Variants in ADGRB3 observed in about 807,000 individuals in gnomAD.
ADGRB3 encodes brain-specific angiogenesis inhibitor 3.
ADGRB3 carries 37 observed loss-of-function variants against 193.4 expected under a neutral mutation model. The observed-to-expected ratio is 0.19, with a 90% CI of 0.15 to 0.25. ADGRB3 has a LOEUF of 0.25. Ranked by LOEUF, ADGRB3 falls within the 10% of genes least tolerant of loss-of-function variation. The pLI is 1.00. For missense variants in ADGRB3, 1,637 were observed against 1,852.9 expected, an observed-to-expected ratio of 0.88 and a Z score of 2.14; for synonymous variants, 690 against 644.2, an observed-to-expected ratio of 1.07 and a Z score of -1.08.
At chr6:68,821,747 TA>T (rs1438484013) in intron 3 of ADGRB3, among the ~76,000 whole-genome samples, 4 of 151,930 alleles carry the variant, frequency 2.6e-5, no homozygotes, top group Non-Finnish European at 1.5e-5. Context: ...TTGTTCTATT[TA>T]AACTTTTGTG....
intron 3 of ADGRB3, among the ~76,000 whole-genome samples, chr6:68,815,574 C>A (rs1767614758): frequency 6.7e-6 from 1 of 148,888 alleles, no homozygotes; most frequent in East Asian, 2.0e-4. Context: ...TTCAAGATAA[C>A]CAGAGTAATT....
rs554177853 is a variant in ADGRB3 at position 68,895,094 on chromosome 6, G to A, written c.758-35465G>A. Among the ~76,000 whole-genome samples, 13 of 151,954 alleles carry A rather than the reference G, an allele frequency of 8.6e-5. No homozygotes were observed. In the East Asian group the frequency reaches 1.4e-3, roughly 16 times the overall value. ...ACACAATAAATAAAAATTCTAGAACGTATTCTTTTCTGAAGATGATATTCA... is the reference window on the plus strand; with the variant it reads ...ACACAATAAATAAAAATTCTAGAACATATTCTTTTCTGAAGATGATATTCA... On this transcript the variant is annotated intron_variant, in intron 3 of 31. Coordinates refer to ENST00000370598, the MANE Select transcript of ADGRB3 (RefSeq NM_001704.3).
intron 3 of ADGRB3, among the ~76,000 whole-genome samples, chr6:68,905,764 G>T (rs186554988): frequency 6.0e-4 from 92 of 152,224 alleles, no homozygotes; most frequent in African/African-American, 1.4e-3. Flanking sequence ...AGGTTAAAAA[G>T]TTCCCAAATA....
intron 13 of ADGRB3, among the ~76,000 whole-genome samples, chr6:69,026,595 G>A (rs1454959864): frequency 3.9e-5 from 6 of 152,184 alleles, no homozygotes; most frequent in Admixed American, 3.3e-4. Flanking sequence ...ACTTACCTAA[G>A]GGGATACATC....
At chr6:69,090,659 G>A (rs1032276343) in intron 17 of ADGRB3, among the ~76,000 whole-genome samples, 1 of 152,084 alleles carries the variant, frequency 6.6e-6, no homozygotes, top group South Asian at 2.1e-4. Context: ...TTAGATATGC[G>A]GCCACAAAGT....
At chr6:69,117,229 G>A (rs1272866242) in intron 17 of ADGRB3, among the ~76,000 whole-genome samples, 1 of 152,136 alleles carries the variant, frequency 6.6e-6, no homozygotes, top group Non-Finnish European at 1.5e-5. Context: ...AGTGCTTTAT[G>A]CCCTGCTTTT....
intron 3 of ADGRB3, among the ~76,000 whole-genome samples, chr6:68,783,475 A>G (rs1179807570): frequency 1.3e-5 from 2 of 151,688 alleles, no homozygotes; most frequent in Non-Finnish European, 2.9e-5. Flanking sequence ...CCTCAAGTTG[A>G]ACTTGAAATA....
intron 29 of ADGRB3, among the ~76,000 whole-genome samples, chr6:69,366,688 G>A (rs532351377): frequency 1.3e-5 from 2 of 152,066 alleles, no homozygotes; most frequent in African/African-American, 4.8e-5. Flanking sequence ...CAGTTGACCT[G>A]TTCATAATGG....
chr6:69,136,292 C>T (rs573880544), intron 17 of ADGRB3, among the ~76,000 whole-genome samples: 1 of 152,102 alleles, frequency 6.6e-6, no homozygotes, highest in East Asian at 1.9e-4. Flanking sequence ...ATATGTAATG[C>T]TGGCACCAAA....
intron 3 of ADGRB3, among the ~76,000 whole-genome samples, chr6:68,794,119 T>C (rs1767162603): frequency 6.6e-6 from 1 of 152,122 alleles, no homozygotes; most frequent in Admixed American, 6.6e-5. Context: ...TTTCATACTG[T>C]CTATAATATA....
chr6:69,338,061 G>C (rs935550826), intron 24 of ADGRB3, among the ~76,000 whole-genome samples: 1 of 151,936 alleles, frequency 6.6e-6, no homozygotes, highest in Non-Finnish European at 1.5e-5. Flanking sequence ...AATTTTCAAG[G>C]TACAGTTTTC....
At chr6:68,855,782 G>T (rs1462098680) in intron 3 of ADGRB3, among the ~76,000 whole-genome samples, 4 of 152,086 alleles carry the variant, frequency 2.6e-5, no homozygotes, top group African/African-American at 9.7e-5. Context: ...ATTTCAGAAG[G>T]CCACGGCAGG....
chr6:68,728,281 C>T (rs988730595), intron 3 of ADGRB3, among the ~76,000 whole-genome samples: 70 of 151,416 alleles, frequency 4.6e-4, no homozygotes, highest in African/African-American at 1.5e-3. Context: ...TTTCCAGTAA[C>T]ATGTCCAGAT....
chr6:68,821,939 C>T (rs1043967032), intron 3 of ADGRB3, among the ~76,000 whole-genome samples: 1 of 151,844 alleles, frequency 6.6e-6, no homozygotes, highest in Non-Finnish European at 1.5e-5. Flanking sequence ...TAATATTTTA[C>T]AAAATCCACG....
intron 13 of ADGRB3, among the ~76,000 whole-genome samples, chr6:69,034,655 CAGAG>C (rs140883581): frequency 0.077 from 11,310 of 147,506 alleles, 512 homozygotes; most frequent in Non-Finnish European, 0.11. Flanking sequence ...TGGTGAGAGA[CAGAG>C]AGAGAGACAG....
At chr6:68,942,322 T>A (rs752750754) in intron 5 of ADGRB3, among the ~76,000 whole-genome samples, 2 of 152,150 alleles carry the variant, frequency 1.3e-5, no homozygotes, top group Non-Finnish European at 2.9e-5. Flanking sequence ...CCCTTACCAA[T>A]GTTAAAGAAA....
chr6:69,096,883 A>C (rs1005136283), intron 17 of ADGRB3, among the ~76,000 whole-genome samples: 2 of 152,222 alleles, frequency 1.3e-5, no homozygotes, highest in Non-Finnish European at 2.9e-5. Context: ...TTTCAAGTGA[A>C]ATGTGAAGTG....
rs538883982 is a variant in ADGRB3 at position 68,930,546 on chromosome 6, A to T, written c.758-13A>T. ...TACACACAAGCTTTCATATACCTTT[A>T]TTCTGTCTTTAGAATTTGGAATGAT... On this transcript the variant is annotated splice_polypyrimidine_tract_variant and intron_variant, in intron 3 of 31. Transcript: ENST00000370598. 2 of 1,579,940 alleles carry T rather than the reference A, an allele frequency of 1.3e-6. No individual in the cohort carries two copies. Among genetic ancestry groups the T allele is most frequent in the African/African-American group, 2.7e-5 (2 of 74,066 alleles).
At chr6:69,041,794 G>A (rs1458808895) in intron 13 of ADGRB3, among the ~76,000 whole-genome samples, 7 of 152,000 alleles carry the variant, frequency 4.6e-5, no homozygotes, top group Admixed American at 4.6e-4. Context: ...GTCTCACTAT[G>A]TTGCCCAGGC....
Sources: allele counts gnomAD v4.1 joint callset (sites outside exome capture counted in the v4.1 genomes callset), GRCh38; gene constraint gnomAD v4.1.1; transcripts MANE v1.5; gene names NCBI Gene and HGNC (gene_info 2026-07-23, HGNC 2026-07-21).